The following PCDHA11 variants were observed in gnomAD, a reference collection of about 807,000 sequenced individuals.
PCDHA11 encodes protocadherin alpha-11.
PCDHA11 carries 61 observed loss-of-function variants against 70.3 expected under a neutral mutation model. The observed-to-expected ratio is 0.87, with a 90% CI of 0.71 to 1.07. The LOEUF (loss-of-function observed/expected upper bound fraction) is 1.07, where lower values mean the gene tolerates loss of function less well. Among genes scored for constraint, PCDHA11 ranks in the 50% least tolerant of loss-of-function variants. PCDHA11 has a pLI of 0.00. For synonymous variants in PCDHA11, 633 were observed against 555.1 expected (o/e 1.14, Z -1.97); for missense variants, 1,324 against 1,237.5 (o/e 1.07, Z -1.05).
chr5:140,917,440 C>A (rs913046487), intron 1 of PCDHA11, among the ~76,000 whole-genome samples: 1 of 151,666 alleles, frequency 6.6e-6, no homozygotes, highest in Non-Finnish European at 1.5e-5. Flanking sequence ...TTTGTTTTTG[C>A]TGCAAGAGCG....
intron 1 of PCDHA11, among the ~76,000 whole-genome samples, chr5:140,948,646 G>A (rs1030231985): frequency 3.3e-5 from 5 of 151,616 alleles, no homozygotes; most frequent in South Asian, 2.1e-4. Context: ...ATCTTTTAAC[G>A]TCTGTATAAT....
At chr5:140,992,078 G>A (rs1179366244) in intron 3 of PCDHA11, among the ~76,000 whole-genome samples, 1 of 151,596 alleles carries the variant, frequency 6.6e-6, no homozygotes, top group African/African-American at 2.4e-5. Context: ...TAGAGAATGA[G>A]CTAGAGTAGA....
chr5:140,872,662 A>G (rs1554166315), intron 1 of PCDHA11, among the ~76,000 whole-genome samples: 2 of 152,132 alleles, frequency 1.3e-5, no homozygotes, highest in Admixed American at 1.3e-4. Context: ...TTTGTCAACT[A>G]TTGGATACTC....
At chr5:140,909,926 A>G (rs781804027) in intron 1 of PCDHA11, among the ~76,000 whole-genome samples, 4 of 152,190 alleles carry the variant, frequency 2.6e-5, no homozygotes, top group Admixed American at 2.6e-4. Flanking sequence ...CCTTTCCCCA[A>G]TCACAGTTAC....
intron 1 of PCDHA11, chr5:140,926,717 C>G (rs975992181): frequency 3.1e-6 from 3 of 967,258 alleles, no homozygotes; most frequent in East Asian, 6.0e-5. Context: ...CCAGCCCCGG[C>G]AATGCCGGCG....
intron 1 of PCDHA11, among the ~76,000 whole-genome samples, chr5:140,897,922 C>T (rs1476419563): frequency 3.3e-5 from 5 of 152,164 alleles, no homozygotes; most frequent in Non-Finnish European, 5.9e-5. Context: ...TTTTGATTTG[C>T]GTTTCTCTGA....
chr5:140,980,614 G>T (rs2153822225), intron 2 of PCDHA11, among the ~76,000 whole-genome samples: 1 of 152,088 alleles, frequency 6.6e-6, no homozygotes, highest in Admixed American at 6.5e-5. Context: ...TGGCGACAGT[G>T]CGAGACTCTG....
At chr5:140,884,941 C>T (rs1326188943) in intron 1 of PCDHA11, among the ~76,000 whole-genome samples, 1 of 152,116 alleles carries the variant, frequency 6.6e-6, no homozygotes, top group Admixed American at 6.5e-5. Context: ...TGCAATTGAG[C>T]ATTTACAAAA....
intron 1 of PCDHA11, among the ~76,000 whole-genome samples, chr5:140,949,698 T>G (rs188313112): frequency 6.6e-6 from 1 of 151,984 alleles, no homozygotes; most frequent in African/African-American, 2.4e-5. Flanking sequence ...TTGTTGGATC[T>G]TGCTGTTTTA....
chr5:140,966,529 G>C (rs1382443921), intron 1 of PCDHA11: 5 of 446,974 alleles, frequency 1.1e-5, no homozygotes, highest in Non-Finnish European at 1.9e-5. Flanking sequence ...GCCGAGCCGG[G>C]TTGAGCGACT....
At chr5:140,882,361 C>T (rs2059095511) in intron 1 of PCDHA11, 1 of 1,614,204 alleles carries the variant, frequency 6.2e-7, no homozygotes, top group Non-Finnish European at 8.5e-7. Context: ...GTGGCCAGCT[C>T]CACTACTCCG....
At chr5:140,994,288 C>G (rs2097610720) in intron 3 of PCDHA11, among the ~76,000 whole-genome samples, 4 of 152,150 alleles carry the variant, frequency 2.6e-5, no homozygotes, top group Admixed American at 6.5e-5. Flanking sequence ...TGAGACAGTC[C>G]CCAGATTGTT....
chr5:140,871,303 G>T lies in PCDHA11; in HGVS notation c.2200G>T (p.Gly734Trp). The T allele has an allele frequency of 6.2e-7, 1 of 1,613,972 alleles. No individual in the cohort carries two copies. The highest frequency in any genetic ancestry group is 8.5e-7 in the Non-Finnish European group (1 of 1,179,960). ...ATPTEGACAPGKPTLVCSRAV... is the reference protein window; with the variant it reads ...ATPTEGACAPWKPTLVCSRAV... The stretch of plus-strand genomic sequence containing the variant: ...GCCCACTGAGGGCGCGTGCGCGCCG[G>T]GGAAGCCCACGCTGGTGTGCTCCCG... The change falls in exon 1 of 4, where the codon GGG becomes TGG. Residue 734 changes from glycine to tryptophan, a missense_variant. Gly to Trp is a radical substitution (Grantham distance 184, BLOSUM62 -2). Coordinates refer to ENST00000398640, the MANE Select transcript of PCDHA11 (RefSeq NM_018902.5).
intron 1 of PCDHA11, among the ~76,000 whole-genome samples, chr5:140,970,929 G>A (rs537614286): frequency 1.4e-4 from 22 of 152,192 alleles, no homozygotes; most frequent in Non-Finnish European, 2.9e-4. Flanking sequence ...AGTGCCTGGT[G>A]TTAGTCAATG....
At position 140,871,308 on chromosome 5, in the gene PCDHA11, G is replaced by A. The variant is rs1554165414; in HGVS notation, c.2205G>A (p.Lys735=). The A allele has an allele frequency of 1.2e-6, 2 of 1,613,998 alleles. No individual in the cohort carries two copies. The highest frequency in any genetic ancestry group is 1.7e-5 in the Admixed American group (1 of 60,012). The change falls in exon 1 of 4, where the codon AAG becomes AAA. Residue 735 remains lysine, a synonymous_variant. Transcript: ENST00000398640. ...TPTEGACAPG[K]PTLVCSRAVG... is the part of the protein sequence containing the mutation. ...CTGAGGGCGCGTGCGCGCCGGGGAA[G>A]CCCACGCTGGTGTGCTCCCGCGCGG...
chr5:140,969,214 A>G (rs906572071), intron 1 of PCDHA11: 5 of 1,614,194 alleles, frequency 3.1e-6, no homozygotes, highest in Non-Finnish European at 4.2e-6. Context: ...CCCAGACAGG[A>G]CCAGGGCCTT....
At chr5:140,875,842 A>G (rs782682417) in intron 1 of PCDHA11, 1 of 1,614,146 alleles carries the variant, frequency 6.2e-7, no homozygotes, top group Non-Finnish European at 8.5e-7. Context: ...CGTGGAGGTG[A>G]AGGACATTAA....
chr5:140,976,505 C>A (rs538128648), intron 1 of PCDHA11, among the ~76,000 whole-genome samples: 1 of 152,004 alleles, frequency 6.6e-6, no homozygotes, highest in Non-Finnish European at 1.5e-5. Flanking sequence ...GAGCCAAGAT[C>A]GCGCCACTGC....
chr5:140,872,015 G>T (rs1322069149), intron 1 of PCDHA11, among the ~76,000 whole-genome samples: 3 of 152,208 alleles, frequency 2.0e-5, no homozygotes, highest in Non-Finnish European at 4.4e-5. Flanking sequence ...GTGACCTGTA[G>T]CCTGGAACTG....
Sources: allele counts gnomAD v4.1 joint callset (sites outside exome capture counted in the v4.1 genomes callset), GRCh38; gene constraint gnomAD v4.1.1; transcripts MANE v1.5; gene names NCBI Gene and HGNC (gene_info 2026-07-23, HGNC 2026-07-21).